MIS18A: variants seen among roughly 807,000 people sequenced by gnomAD.
MIS18A encodes protein Mis18-alpha.
A neutral mutation model predicts 25.0 loss-of-function variants in MIS18A; 14 were observed. The observed-to-expected ratio is 0.56, with a 90% CI of 0.37 to 0.88. The LOEUF is 0.88. Among genes scored for constraint, MIS18A ranks in the 40% least tolerant of loss-of-function variants. The probability of loss-of-function intolerance (pLI) is 0.00; values close to 1 mark genes in which losing one functional copy is unlikely to be tolerated. For synonymous variants in MIS18A, 134 were observed against 118.6 expected (o/e 1.13, Z -0.84); for missense variants, 292 against 290.8 (o/e 1.00, Z -0.03).
the MIS18A span, among the ~76,000 whole-genome samples, chr21:32,196,685 C>T: frequency 6.6e-6 from 1 of 152,096 alleles, no homozygotes; most frequent in African/African-American, 2.4e-5. Flanking sequence ...ATCTCCTGAC[C>T]TCAAATGATC....
chr21:32,256,569 C>T, the MIS18A span, among the ~76,000 whole-genome samples: 101 of 152,220 alleles, frequency 6.6e-4, no homozygotes, highest in East Asian at 0.012. Flanking sequence ...CCCTGTTTCG[C>T]GAATGTGCCC....
the MIS18A span, among the ~76,000 whole-genome samples, chr21:32,251,590 C>T: frequency 6.6e-6 from 1 of 152,184 alleles, no homozygotes; most frequent in Non-Finnish European, 1.5e-5. Flanking sequence ...CCAAAGAGAA[C>T]TTGTGCATAT....
the MIS18A span, among the ~76,000 whole-genome samples, chr21:32,244,495 G>A: frequency 6.6e-6 from 1 of 152,168 alleles, no homozygotes; most frequent in Non-Finnish European, 1.5e-5. Flanking sequence ...ACAACATTTT[G>A]GGAGGCCAAG....
At chr21:32,213,263 T>A in the MIS18A span, among the ~76,000 whole-genome samples, 1 of 152,276 alleles carries the variant, frequency 6.6e-6, no homozygotes, top group Admixed American at 6.5e-5. Context: ...ACAACCCAAA[T>A]GTCCGTCACT....
At chr21:32,219,195 G>A in the MIS18A span, among the ~76,000 whole-genome samples, 96 of 152,232 alleles carry the variant, frequency 6.3e-4, 1 homozygote, top group Middle Eastern at 6.8e-3. Context: ...CAAGATGGCC[G>A]AATAGGAACA....
At chr21:32,231,798 A>G in the MIS18A span, among the ~76,000 whole-genome samples, 1 of 152,162 alleles carries the variant, frequency 6.6e-6, no homozygotes, top group African/African-American at 2.4e-5. Flanking sequence ...CTGTAGTCCC[A>G]GCTACTCAGG....
the MIS18A span, among the ~76,000 whole-genome samples, chr21:32,252,229 GAAGAAGAAGA>G: frequency 2.7e-3 from 200 of 73,838 alleles, no homozygotes; most frequent in African/African-American, 0.01. Context: ...AGAAGAAGAA[GAAGAAGAAGA>G]AGGAGGAGGA....
the MIS18A span, among the ~76,000 whole-genome samples, chr21:32,206,586 C>T: frequency 6.6e-6 from 1 of 152,108 alleles, no homozygotes; most frequent in African/African-American, 2.4e-5. Flanking sequence ...CACTAAATAA[C>T]ATTTACATGG....
At chr21:32,190,897 T>A in the MIS18A span, among the ~76,000 whole-genome samples, 2 of 152,230 alleles carry the variant, frequency 1.3e-5, no homozygotes, top group African/African-American at 4.8e-5. Context: ...CCGCCAGTTG[T>A]ATTGAATATG....
chr21:32,246,975 A>T, the MIS18A span, among the ~76,000 whole-genome samples: 4 of 152,192 alleles, frequency 2.6e-5, no homozygotes, highest in Admixed American at 2.6e-4. Context: ...AAATTCAGTC[A>T]GTCATAGATG....
At chr21:32,195,635 A>G in the MIS18A span, among the ~76,000 whole-genome samples, 1 of 152,156 alleles carries the variant, frequency 6.6e-6, no homozygotes, top group Non-Finnish European at 1.5e-5. Flanking sequence ...CACAGGGGAT[A>G]TTGTGAGTGT....
chr21:32,249,166 C>A, the MIS18A span, among the ~76,000 whole-genome samples: 57 of 152,206 alleles, frequency 3.7e-4, 1 homozygote, highest in Non-Finnish European at 1.0e-4. Context: ...AACGTGGATG[C>A]TTCAAGCTCG....
the MIS18A span, among the ~76,000 whole-genome samples, chr21:32,197,389 A>C: frequency 1.3e-5 from 2 of 152,178 alleles, no homozygotes; most frequent in African/African-American, 4.8e-5. Context: ...GCCCATCTAT[A>C]GTTCTTGCAT....
At chr21:32,184,449 T>A in the MIS18A span, among the ~76,000 whole-genome samples, 7 of 152,200 alleles carry the variant, frequency 4.6e-5, no homozygotes, top group African/African-American at 1.7e-4. Context: ...GGCTCCTCCT[T>A]TAGGAAATAG....
At chr21:32,183,037 A>G in the MIS18A span, among the ~76,000 whole-genome samples, 3 of 152,138 alleles carry the variant, frequency 2.0e-5, no homozygotes, top group Non-Finnish European at 4.4e-5. Context: ...AAGGGTTTAT[A>G]AGTATGAAAG....
chr21:32,250,755 G>A, the MIS18A span, among the ~76,000 whole-genome samples: 2 of 152,220 alleles, frequency 1.3e-5, no homozygotes, highest in Admixed American at 6.5e-5. Context: ...TTCCCAGCAT[G>A]AGAAAGCCCA....
the MIS18A span, among the ~76,000 whole-genome samples, chr21:32,237,568 T>A: frequency 6.6e-6 from 1 of 152,180 alleles, no homozygotes; most frequent in African/African-American, 2.4e-5. Context: ...TTACAGATAG[T>A]TCCTAATGCT....
chr21:32,267,446 T>G (rs1361085222), downstream of MIS18A, among the ~76,000 whole-genome samples: 1 of 152,212 alleles, frequency 6.6e-6, no homozygotes, highest in African/African-American at 2.4e-5. Flanking sequence ...TATCTTCTGA[T>G]CTGTAACAGA....
At chr21:32,194,695 T>C in the MIS18A span, among the ~76,000 whole-genome samples, 4 of 151,432 alleles carry the variant, frequency 2.6e-5, no homozygotes, top group Non-Finnish European at 4.4e-5. Context: ...ATAGACACCA[T>C]GGAATACTAC....
Sources: gnomAD v4.1 joint callset for allele counts (sites outside exome capture counted in the v4.1 genomes callset) on GRCh38, gnomAD v4.1.1 for gene constraint, MANE v1.5 for transcripts, NCBI Gene and HGNC (gene_info 2026-07-23, HGNC 2026-07-21) for gene names.